RBM43: variants seen among roughly 807,000 people sequenced by gnomAD.
RBM43 encodes the protein RNA binding motif protein 43, also known as RNA-binding protein 43.
RBM43 carries 12 observed loss-of-function variants against 12.4 expected under a neutral mutation model. The ratio of observed to expected loss-of-function variants is 0.97; its 90% CI spans 0.62 to 1.57. RBM43 has a LOEUF of 1.57. Ranked by LOEUF, RBM43 falls within the 40% of genes most tolerant of loss-of-function variation. RBM43 has a pLI of 0.00. For missense variants in RBM43, 348 were observed against 400.1 expected (o/e 0.87, Z 1.11); for synonymous variants, 138 against 145.7 (o/e 0.95, Z 0.38).
chr2:151,248,247 G>A lies in RBM43; in HGVS notation c.*2659C>T, dbSNP rs1473203348. ...AACAAGGTTTATACAGTATTTTCTT[G>A]GACTCAATTCTTTGTCATTGAAGAT... is the stretch of plus-strand genomic sequence containing the variant. On this transcript the variant is annotated 3_prime_UTR_variant, in exon 4 of 4. Coordinates refer to ENST00000331426, the MANE Select transcript of RBM43 (RefSeq NM_198557.3). 6.6e-6 allele frequency: 1 copy of A among 151,906 alleles called. No homozygotes were observed. Among genetic ancestry groups the A allele is most frequent in the Non-Finnish European group, 1.5e-5 (1 of 67,980 alleles). The allele number at this position is 151,906 out of a possible 1,614,324, so 9.4% of individuals were successfully genotyped here.
In RBM43 at chr2:151,250,845, T is replaced by C. The variant is rs1407705546; in HGVS notation, c.*61A>G. The C allele has an allele frequency of 1.1e-5, 13 of 1,237,386 alleles. No individual in the cohort carries two copies. Among genetic ancestry groups the C allele is most frequent in the Non-Finnish European group, 1.5e-5 (13 of 882,152 alleles). The allele number at this position is 1,237,386 out of a possible 1,614,324, so 76.7% of individuals were successfully genotyped here. On this transcript the variant is annotated 3_prime_UTR_variant, in exon 4 of 4. Transcript: ENST00000331426. ...CGGTGTGTAAAGCTAGCCTCATTCA[T>C]GGCAATGGTCACTGCTCAGCAAGAG...
Position 151,261,745 on chromosome 2 carries a change from C to T in RBM43, c.-18G>A. 1 of 1,602,020 alleles carries T rather than the reference C, an allele frequency of 6.2e-7. No homozygotes were observed. The highest frequency in any genetic ancestry group is 2.2e-5 in the East Asian group (1 of 44,504). On this transcript the variant is annotated 5_prime_UTR_variant, in exon 1 of 4. Transcript: ENST00000331426. ...CTTGCCATGGCGGAGGGGAGACGCG[C>T]CCTCAGCGGCCGCAGAAAGCCCACA...
chr2:151,253,953 T>C (rs910179173), intron 2 of RBM43, among the ~76,000 whole-genome samples: 1 of 152,204 alleles, frequency 6.6e-6, no homozygotes, highest in Non-Finnish European at 1.5e-5. Flanking sequence ...TCTGCTCAAA[T>C]GTCATCTAAA....
At chr2:151,260,491 T>C (rs1683032499) in intron 1 of RBM43, among the ~76,000 whole-genome samples, 1 of 152,184 alleles carries the variant, frequency 6.6e-6, no homozygotes, top group African/African-American at 2.4e-5. Context: ...TTAGTACTAA[T>C]ACCATATTTC....
intron 1 of RBM43, chr2:151,261,066 A>T (rs1683039632): frequency 1.6e-6 from 1 of 627,572 alleles, no homozygotes; most frequent in African/African-American, 1.8e-5. Context: ...ACAAAAACGT[A>T]CTTGCTTTTG....
At chr2:151,256,164 G>C (rs991463375) in intron 1 of RBM43, among the ~76,000 whole-genome samples, 2 of 151,980 alleles carry the variant, frequency 1.3e-5, no homozygotes, top group Non-Finnish European at 2.9e-5. Context: ...GTTTCACCAT[G>C]TTGGCCAGGC....
chr2:151,254,682 A>G (rs1287056840), intron 2 of RBM43, among the ~76,000 whole-genome samples: 4 of 152,166 alleles, frequency 2.6e-5, no homozygotes, highest in African/African-American at 9.7e-5. Context: ...CTGAAGGGGT[A>G]TGTGTGCTCT....
chr2:151,255,112 A>T (rs1227962063), intron 2 of RBM43, among the ~76,000 whole-genome samples: 1 of 151,708 alleles, frequency 6.6e-6, no homozygotes, highest in South Asian at 2.1e-4. Flanking sequence ...ACAATAAAAT[A>T]TTTTTTTTTA....
chr2:151,253,602 C>T lies in RBM43; in HGVS notation c.215-747G>A, dbSNP rs77389258. Among the ~76,000 whole-genome samples, 1,409 of 152,282 alleles carry T rather than the reference C, an allele frequency of 9.3e-3. 27 individuals are homozygous for T. The highest frequency in any genetic ancestry group is 0.032 in the African/African-American group (1,337 of 41,538). On this transcript the variant is annotated intron_variant, in intron 2 of 3. Transcript: ENST00000331426. ...CCTGGTACTGCCCTATCAAAGCCAA[C>T]GATGAGTAGTAATTCCTGTTGTTCA...
chr2:151,260,027 G>A (rs1683026855), intron 1 of RBM43, among the ~76,000 whole-genome samples: 3 of 151,506 alleles, frequency 2.0e-5, no homozygotes, highest in African/African-American at 7.3e-5. Flanking sequence ...CACCATGCCC[G>A]ACTAATTTTT....
Position 151,251,110 on chromosome 2 carries a change from CT to C in RBM43, c.869del (p.Lys290SerfsTer19), listed in dbSNP as rs1682895869. On this transcript the variant is annotated frameshift_variant, in exon 4 of 4. Coordinates refer to ENST00000331426, the MANE Select transcript of RBM43 (RefSeq NM_198557.3). LOFTEE classifies it low-confidence loss of function (END_TRUNC). Reference sequence around the variant, plus strand: ...CCAAAATAAATGTCTCTTTTCTAAGCTTTAAGTAAAGAGCATGTGACCATTC... The same window carrying C: ...CCAAAATAAATGTCTCTTTTCTAAGCTTAAGTAAAGAGCATGTGACCATTC... ...IEEWSHALYLKLRKETFILEG... is the reference protein window; with the variant it reads ...IEEWSHALYLXLRKETFILEG... The C allele has an allele frequency of 1.2e-6, 2 of 1,613,134 alleles. No individual in the cohort carries two copies. Among genetic ancestry groups the C allele is most frequent in the Admixed American group, 1.7e-5 (1 of 59,926 alleles).
rs916340400 is a variant in RBM43, at chr2:151,248,275, A to T, written c.*2631T>A. The T allele has an allele frequency of 6.6e-6, 1 of 152,194 alleles. No individual in the cohort carries two copies. Among genetic ancestry groups the T allele is most frequent in the African/African-American group, 2.4e-5 (1 of 41,448 alleles). 9.4% of individuals were successfully genotyped at this position (152,194 alleles called of 1,614,324 possible). On this transcript the variant is annotated 3_prime_UTR_variant, in exon 4 of 4. Coordinates refer to ENST00000331426, the MANE Select transcript of RBM43 (RefSeq NM_198557.3). ...CTCAATTCTTTGTCATTGAAGATAA[A>T]AATGCTGCTATTCTTTTTTGTATAG...
intron 3 of RBM43, among the ~76,000 whole-genome samples, chr2:151,252,442 G>A (rs1682913972): frequency 1.3e-5 from 2 of 152,196 alleles, no homozygotes; most frequent in Non-Finnish European, 2.9e-5. Flanking sequence ...AGAATCACCT[G>A]AGCCCAAGAG....
At chr2:151,261,274 T>G in intron 1 of RBM43, 1 of 1,550,418 alleles carries the variant, frequency 6.4e-7, no homozygotes, top group Non-Finnish European at 8.7e-7. Context: ...TATTAGCCCT[T>G]TTCAAAAGGC....
Position 151,259,145 on chromosome 2 carries a change from A to AG in RBM43, c.3+2579_3+2580insC, listed in dbSNP as rs1040964116. 4.3e-4 allele frequency among the ~76,000 whole-genome samples: 65 copies of AG among 152,108 alleles called. 1 individual carries two copies. Among genetic ancestry groups the AG allele is most frequent in the African/African-American group, 1.5e-3 (64 of 41,470 alleles). On this transcript the variant is annotated intron_variant, in intron 1 of 3. Transcript: ENST00000331426. ...AGAGGGAGACTTCGTCCCCAAAAAAAAAAAGGAAGAAAGAAAGGAAAGAAA... is the reference window on the plus strand; with the variant it reads ...AGAGGGAGACTTCGTCCCCAAAAAAAGAAAAGGAAGAAAGAAAGGAAAGAAA...
chr2:151,254,287 ATCTC>A (rs71000460), intron 2 of RBM43, among the ~76,000 whole-genome samples: 3 of 149,416 alleles, frequency 2.0e-5, no homozygotes, highest in African/African-American at 4.9e-5. Flanking sequence ...ACCGAGGCCA[ATCTC>A]TCTCTCTCTC....
rs10596453 is a variant in RBM43 at position 151,249,373 on chromosome 2, C to CTTTTTT, written c.*1527_*1532dup. Reference sequence around the variant, plus strand: ...ACTAAGAATGTTACTTGTGGTCTTTCTTTTTTTTTTTTTTTTTTTTTTGAG... The same window carrying CTTTTTT: ...ACTAAGAATGTTACTTGTGGTCTTTCTTTTTTTTTTTTTTTTTTTTTTTTTTTTGAG... On this transcript the variant is annotated 3_prime_UTR_variant, in exon 4 of 4. Transcript: ENST00000331426. The CTTTTTT allele has an allele frequency of 2.9e-5, 3 of 104,970 alleles. No homozygotes were observed. Among genetic ancestry groups the CTTTTTT allele is most frequent in the Admixed American group, 1.0e-4 (1 of 9,820 alleles). 6.5% of individuals were successfully genotyped at this position (104,970 alleles called of 1,614,324 possible). A position where few individuals can be genotyped will look rare whatever the true frequency, so the allele number is the denominator to read the frequency against.
At chr2:151,257,425 C>G (rs1682989709) in intron 1 of RBM43, among the ~76,000 whole-genome samples, 1 of 152,230 alleles carries the variant, frequency 6.6e-6, no homozygotes, top group Non-Finnish European at 1.5e-5. Context: ...GGCACGGTGG[C>G]TCACACCTGT....
At chr2:151,257,764 T>C (rs953945665) in intron 1 of RBM43, among the ~76,000 whole-genome samples, 3 of 150,926 alleles carry the variant, frequency 2.0e-5, no homozygotes, top group Non-Finnish European at 4.4e-5. Context: ...GTTCAACAAA[T>C]GAAGATTGAA....
Sources: gnomAD v4.1 joint callset for allele counts (sites outside exome capture counted in the v4.1 genomes callset) on GRCh38, gnomAD v4.1.1 for gene constraint, MANE v1.5 for transcripts, NCBI Gene and HGNC (gene_info 2026-07-23, HGNC 2026-07-21) for gene names.